The following CRACD variants were observed in gnomAD, a reference collection of about 807,000 sequenced individuals.
CRACD encodes the protein capping protein inhibiting regulator of actin dynamics.
Under a neutral mutation model 106.8 loss-of-function variants are expected in CRACD, and 56 were observed. The ratio of observed to expected loss-of-function variants is 0.52; its 90% CI spans 0.42 to 0.66. The LOEUF (loss-of-function observed/expected upper bound fraction) is 0.66, where lower values mean the gene tolerates loss of function less well. Among genes scored for constraint, CRACD ranks in the 30% least tolerant of loss-of-function variants. The pLI is 0.00. For synonymous variants in CRACD, 754 were observed against 670.8 expected (o/e 1.12, Z -1.92); for missense variants, 1,730 against 1,623.2 (o/e 1.07, Z -1.13).
chr4:56,088,221 G>T (rs1431859717), intron 1 of CRACD, among the ~76,000 whole-genome samples: 1 of 151,716 alleles, frequency 6.6e-6, no homozygotes, highest in East Asian at 1.9e-4. Context: ...ACCTGTCATG[G>T]GGTTTGGTGT....
Position 56,316,178 on chromosome 4 carries a change from GAA to G in CRACD, c.2678_2679del (p.Lys893ArgfsTer29). ...PPAAGSARGEKEMEGVALKHG... is the reference protein window; with the variant it reads ...PPAAGSARGEXEMEGVALKHG... ...CTGCAGCGGGGAGCGCTCGTGGAGA[GAA>G]AGAGATGGAGGGTGTGGCCCTCAAG... On this transcript the variant is annotated frameshift_variant, in exon 8 of 11. Coordinates refer to ENST00000682029, the MANE Select transcript of CRACD (RefSeq NM_001393381.1). LOFTEE classifies it high-confidence loss of function. 2.5e-6 allele frequency: 4 copies of G among 1,614,214 alleles called. No individual in the cohort carries two copies. The highest frequency in any genetic ancestry group is 3.4e-6 in the Non-Finnish European group (4 of 1,180,032).
rs907321535 is a variant in CRACD at position 56,182,918 on chromosome 4, C to T, written c.-189+3488C>T. Among the ~76,000 whole-genome samples the T allele has an allele frequency of 3.0e-5, 4 of 134,224 alleles. No homozygotes were observed. The Admixed American group carries it at 3.1e-4, about 11-fold the overall frequency. 88.1% of individuals were successfully genotyped at this position (134,224 alleles called of 152,430 possible). A position where few individuals can be genotyped will look rare whatever the true frequency, so the allele number is the denominator to read the frequency against. On this transcript the variant is annotated intron_variant, in intron 2 of 10. Coordinates refer to ENST00000682029, the MANE Select transcript of CRACD (RefSeq NM_001393381.1). ...GTGTGTGTGTATGGCTCCCTGATTC[C>T]GTTGGTTTCTTGCAATAGAATTAGG...
chr4:56,063,552 G>A (rs1341427073), intron 1 of CRACD, among the ~76,000 whole-genome samples: 1 of 151,966 alleles, frequency 6.6e-6, no homozygotes, highest in Non-Finnish European at 1.5e-5. Context: ...TTGTTTACCA[G>A]GGGCAGCCCC....
chr4:56,258,080 C>CAA (rs568556506), intron 2 of CRACD, among the ~76,000 whole-genome samples: 3 of 123,332 alleles, frequency 2.4e-5, no homozygotes, highest in African/African-American at 3.0e-5. Context: ...GAAAAAAAAA[C>CAA]AAAAAAAAAA....
chr4:56,141,862 T>TA (rs1195630448), intron 1 of CRACD, among the ~76,000 whole-genome samples: 13 of 150,336 alleles, frequency 8.6e-5, no homozygotes, highest in Non-Finnish European at 1.5e-4. Flanking sequence ...TTGGCTAGTT[T>TA]AAAAAAAAAT....
chr4:56,304,312 C>CTTTTTTTTTTTTTTTT, intron 4 of CRACD, among the ~76,000 whole-genome samples: 1 of 127,970 alleles, frequency 7.8e-6, no homozygotes, highest in Non-Finnish European at 1.6e-5. Context: ...GTTCTTATTC[C>CTTTTTTTTTTTTTTTT]TTTTTTTTTT....
intron 1 of CRACD, among the ~76,000 whole-genome samples, chr4:56,174,690 A>G (rs1736513159): frequency 6.6e-6 from 1 of 152,204 alleles, no homozygotes; most frequent in African/African-American, 2.4e-5. Context: ...CTGTTGATGG[A>G]CACTTAGGTT....
At chr4:56,237,955 CTAGT>C (rs1740087452) in intron 2 of CRACD, among the ~76,000 whole-genome samples, 1 of 151,778 alleles carries the variant, frequency 6.6e-6, no homozygotes, top group African/African-American at 2.4e-5. Context: ...ATTGTATAAT[CTAGT>C]TATCTAGTGC....
At chr4:56,129,961 A>G (rs1201597374) in intron 1 of CRACD, among the ~76,000 whole-genome samples, 2 of 152,224 alleles carry the variant, frequency 1.3e-5, no homozygotes, top group Non-Finnish European at 2.9e-5. Flanking sequence ...CTTATGCTAT[A>G]TAGCTATGTT....
intron 1 of CRACD, among the ~76,000 whole-genome samples, chr4:56,154,614 C>T (rs939396799): frequency 2.0e-5 from 3 of 151,934 alleles, no homozygotes; most frequent in African/African-American, 7.3e-5. Flanking sequence ...TTATGAATTC[C>T]CTTATCTTTA....
chr4:56,181,797 G>A (rs911944467), intron 2 of CRACD, among the ~76,000 whole-genome samples: 5 of 152,120 alleles, frequency 3.3e-5, no homozygotes, highest in Non-Finnish European at 7.3e-5. Context: ...GCACATGGCT[G>A]TCTTCCCTCT....
Position 56,207,745 on chromosome 4 carries a change from CATATATATAT to C in CRACD, c.-189+28340_-189+28349del, listed in dbSNP as rs58423475. ...GATACATTTTTAAAACTTGTTTTCTCATATATATATATATATATATATATATATATATATG... is the reference window on the plus strand; with the variant it reads ...GATACATTTTTAAAACTTGTTTTCTCATATATATATATATATATATATATG... On this transcript the variant is annotated intron_variant, in intron 2 of 10. Transcript: ENST00000682029. 7.1e-3 allele frequency among the ~76,000 whole-genome samples: 753 copies of C among 106,146 alleles called. 12 individuals carry two copies. Among genetic ancestry groups the C allele is most frequent in the African/African-American group, 0.016 (406 of 25,182 alleles). The allele number at this position is 106,146 out of a possible 152,430, so 69.6% of individuals were successfully genotyped here.
chr4:56,059,214 GATCAC>G (rs1201796858), intron 1 of CRACD, among the ~76,000 whole-genome samples: 1 of 152,154 alleles, frequency 6.6e-6, no homozygotes, highest in Admixed American at 6.5e-5. Context: ...GAGGTGGGTG[GATCAC>G]TTGAGCCTAG....
At chr4:56,161,229 C>A (rs1415794189) in intron 1 of CRACD, among the ~76,000 whole-genome samples, 3 of 151,760 alleles carry the variant, frequency 2.0e-5, no homozygotes, top group Non-Finnish European at 4.4e-5. Flanking sequence ...TCAGAAAGGA[C>A]TAAAATAATA....
chr4:56,082,707 C>A (rs1733074884), intron 1 of CRACD, among the ~76,000 whole-genome samples: 1 of 151,838 alleles, frequency 6.6e-6, no homozygotes, highest in African/African-American at 2.4e-5. Flanking sequence ...GAAAAGGAGC[C>A]AAGAATTTCA....
In CRACD at chr4:56,234,376, A is replaced by T. The variant is rs566072707; in HGVS notation, c.-188-37945A>T. ...TTCACATAGCATAATGTGAAGGTTC[A>T]TCCATATTCTAGCATGAATGAGTAC... is the stretch of plus-strand genomic sequence containing the variant. On this transcript the variant is annotated intron_variant, in intron 2 of 10. Transcript: ENST00000682029. Among the ~76,000 whole-genome samples the T allele has an allele frequency of 1.9e-3, 292 of 152,306 alleles. 2 individuals carry two copies. Among genetic ancestry groups the T allele is most frequent in the African/African-American group, 6.7e-3 (279 of 41,568 alleles).
In CRACD at chr4:56,237,346, A is replaced by T. The variant is rs139848864; in HGVS notation, c.-188-34975A>T. On this transcript the variant is annotated intron_variant, in intron 2 of 10. Coordinates refer to ENST00000682029, the MANE Select transcript of CRACD (RefSeq NM_001393381.1). Reference sequence around the variant, plus strand: ...ATAAATACATAATTTAAAGAGACCCAGGCATGAGCCATGATGAGTATGATT... The same window carrying T: ...ATAAATACATAATTTAAAGAGACCCTGGCATGAGCCATGATGAGTATGATT... Among the ~76,000 whole-genome samples, 3 of 152,320 alleles carry T rather than the reference A, an allele frequency of 2.0e-5. No homozygotes were observed. The East Asian group carries it at 5.8e-4, about 29-fold the overall frequency.
intron 1 of CRACD, among the ~76,000 whole-genome samples, chr4:56,053,019 A>G (rs560906739): frequency 6.6e-6 from 1 of 152,308 alleles, no homozygotes; most frequent in East Asian, 1.9e-4. Context: ...TTTGATGTAA[A>G]TATTTTGTAA....
intron 3 of CRACD, among the ~76,000 whole-genome samples, chr4:56,286,871 A>G (rs1246044446): frequency 6.6e-6 from 1 of 152,186 alleles, no homozygotes; most frequent in Non-Finnish European, 1.5e-5. Context: ...AAGTAATAAT[A>G]AAAATAAAAG....
Sources: gnomAD v4.1 joint callset for allele counts (sites outside exome capture counted in the v4.1 genomes callset) on GRCh38, gnomAD v4.1.1 for gene constraint, MANE v1.5 for transcripts, NCBI Gene and HGNC (gene_info 2026-07-23, HGNC 2026-07-21) for gene names.